The following PPP3R1 variants were observed in gnomAD, a reference collection of about 807,000 sequenced individuals.
PPP3R1 encodes the protein calcineurin subunit B type 1.
Under a neutral mutation model 22.6 loss-of-function variants are expected in PPP3R1, and 5 were observed. That is an observed-to-expected ratio of 0.22 (90% CI 0.12 to 0.46). PPP3R1 has a LOEUF of 0.46. Ranked by LOEUF, PPP3R1 falls within the 20% of genes least tolerant of loss-of-function variation. The pLI is 0.99. For synonymous variants in PPP3R1, 56 were observed against 65.2 expected (o/e 0.86, Z 0.68); for missense variants, 61 against 203.2 (o/e 0.30, Z 4.25).
chr2:68,225,542 G>T (rs1056914474), intron 1 of PPP3R1, among the ~76,000 whole-genome samples: 1 of 152,212 alleles, frequency 6.6e-6, no homozygotes, highest in Admixed American at 6.5e-5. Flanking sequence ...ATGGCATCTT[G>T]ATTTCAGCCT....
chr2:68,191,087 C>T (rs1329484370), intron 2 of PPP3R1, among the ~76,000 whole-genome samples: 1 of 152,122 alleles, frequency 6.6e-6, no homozygotes, highest in African/African-American at 2.4e-5. Flanking sequence ...ATCAGAAATG[C>T]TGTGATGAAA....
At chr2:68,189,291 T>G (rs925204684) in intron 2 of PPP3R1, among the ~76,000 whole-genome samples, 2 of 152,186 alleles carry the variant, frequency 1.3e-5, no homozygotes, top group African/African-American at 4.8e-5. Flanking sequence ...CTTTGCAAGT[T>G]TGAGCAAATA....
At chr2:68,181,221 C>T (rs1674393621) in intron 5 of PPP3R1, among the ~76,000 whole-genome samples, 1 of 152,016 alleles carries the variant, frequency 6.6e-6, no homozygotes, top group African/African-American at 2.4e-5. Context: ...GAAACCTTGT[C>T]TCTACTAAAA....
At chr2:68,182,341 T>C (rs1048503850) in intron 5 of PPP3R1, among the ~76,000 whole-genome samples, 9 of 152,020 alleles carry the variant, frequency 5.9e-5, no homozygotes, top group Admixed American at 5.2e-4. Flanking sequence ...CCTGCCCTCA[T>C]TCTCTATTTG....
At chr2:68,233,951 C>CA (rs1669966518) in intron 1 of PPP3R1, among the ~76,000 whole-genome samples, 1 of 151,966 alleles carries the variant, frequency 6.6e-6, no homozygotes, top group Non-Finnish European at 1.5e-5. Flanking sequence ...ACAAAAAAAA[C>CA]AGAGAAATAA....
rs1302179359 is a variant in PPP3R1 at position 68,180,029 on chromosome 2, T to C, written c.*934A>G. On this transcript the variant is annotated 3_prime_UTR_variant, in exon 6 of 6. Transcript: ENST00000234310. Reference sequence around the variant, plus strand: ...CAAATGGATATCCCTTATAAGTAGTTACATGATCACTTCAGGTATTCTTCA... The same window carrying C: ...CAAATGGATATCCCTTATAAGTAGTCACATGATCACTTCAGGTATTCTTCA... 6.6e-6 allele frequency: 1 copy of C among 152,226 alleles called. No individual in the cohort carries two copies. The highest frequency in any genetic ancestry group is 1.5e-5 in the Non-Finnish European group (1 of 68,036). 9.4% of individuals were successfully genotyped at this position (152,226 alleles called of 1,614,324 possible).
At chr2:68,246,097 CAG>C (rs1282332379) in intron 1 of PPP3R1, among the ~76,000 whole-genome samples, 2 of 97,036 alleles carry the variant, frequency 2.1e-5, no homozygotes, top group East Asian at 6.7e-4. Context: ...TTTTTTGAGA[CAG>C]AGTCTTGCTC....
At chr2:68,215,319 C>T (rs1256357998) in intron 2 of PPP3R1, among the ~76,000 whole-genome samples, 1 of 151,962 alleles carries the variant, frequency 6.6e-6, no homozygotes, top group African/African-American at 2.4e-5. Context: ...ACCTATATTC[C>T]AAAACCCCCC....
chr2:68,190,579 A>G (rs1217683813), intron 2 of PPP3R1, among the ~76,000 whole-genome samples: 3 of 152,060 alleles, frequency 2.0e-5, no homozygotes, highest in African/African-American at 4.8e-5. Context: ...AAAACAAACA[A>G]AAAAAACCCC....
chr2:68,184,210 GTCTT>G (rs1417669989), intron 5 of PPP3R1, among the ~76,000 whole-genome samples: 2 of 152,182 alleles, frequency 1.3e-5, no homozygotes, highest in Non-Finnish European at 2.9e-5. Context: ...ACTTTAACCA[GTCTT>G]TCTGTTTTTA....
chr2:68,238,852 C>T (rs1670066860), intron 1 of PPP3R1, among the ~76,000 whole-genome samples: 1 of 152,012 alleles, frequency 6.6e-6, no homozygotes, highest in African/African-American at 2.4e-5. Context: ...CTGAAAAAAA[C>T]CTCGTGTTCT....
At chr2:68,197,062 T>C (rs1339404451) in intron 2 of PPP3R1, among the ~76,000 whole-genome samples, 2 of 152,194 alleles carry the variant, frequency 1.3e-5, no homozygotes, top group African/African-American at 2.4e-5. Flanking sequence ...CTTTGAGGAA[T>C]AACTACCTTC....
intron 1 of PPP3R1, among the ~76,000 whole-genome samples, chr2:68,229,054 C>T (rs191766819): frequency 6.6e-6 from 1 of 152,242 alleles, no homozygotes; most frequent in Admixed American, 6.5e-5. Flanking sequence ...CAGGGTCTCA[C>T]TGTCACTCAG....
chr2:68,252,229 C>T lies in PPP3R1; in HGVS notation c.-102G>A, dbSNP rs1670381662. On this transcript the variant is annotated 5_prime_UTR_variant, in exon 1 of 6. Transcript: ENST00000234310. The stretch of plus-strand genomic sequence containing the variant: ...GCGGCGGCGGCCCAGCTGCGGCCCT[C>T]GGGTCGCCGGCGGGGAGGGGGCGCG... 9.0e-7 allele frequency: 1 copy of T among 1,106,916 alleles called. No homozygotes were observed. The highest frequency in any genetic ancestry group is 1.1e-6 in the Non-Finnish European group (1 of 899,902). The allele number at this position is 1,106,916 out of a possible 1,614,324, so 68.6% of individuals were successfully genotyped here. A position where few individuals can be genotyped will look rare whatever the true frequency, so the allele number is the denominator to read the frequency against.
intron 1 of PPP3R1, among the ~76,000 whole-genome samples, chr2:68,224,137 A>G (rs1347479010): frequency 6.6e-6 from 1 of 152,222 alleles, no homozygotes; most frequent in Non-Finnish European, 1.5e-5. Context: ...AGATCTAAGA[A>G]AACCCAGCTA....
At chr2:68,246,221 C>T (rs994341573) in intron 1 of PPP3R1, among the ~76,000 whole-genome samples, 8 of 151,478 alleles carry the variant, frequency 5.3e-5, no homozygotes, top group Non-Finnish European at 1.2e-4. Flanking sequence ...ATTACAGGCA[C>T]GCGTCACCAA....
intron 5 of PPP3R1, among the ~76,000 whole-genome samples, chr2:68,181,656 AT>A (rs1674406244): frequency 6.6e-6 from 1 of 151,400 alleles, no homozygotes; most frequent in Non-Finnish European, 1.5e-5. Context: ...AAAGACAGAC[AT>A]AAACAGGCTA....
At chr2:68,220,779 C>T (rs1669674193) in intron 1 of PPP3R1, among the ~76,000 whole-genome samples, 1 of 152,020 alleles carries the variant, frequency 6.6e-6, no homozygotes, top group Admixed American at 6.6e-5. Flanking sequence ...TTTTATGATT[C>T]CATTTATATG....
At chr2:68,252,047 T>G in intron 1 of PPP3R1, 78 bp downstream of exon 1, 1 of 1,293,606 alleles carries the variant, frequency 7.7e-7, no homozygotes, top group Non-Finnish European at 1.0e-6. Context: ...ACCGGGGGCG[T>G]CGGGGCTCGC....
Sources: gnomAD v4.1 joint callset for allele counts (sites outside exome capture counted in the v4.1 genomes callset) on GRCh38, gnomAD v4.1.1 for gene constraint, MANE v1.5 for transcripts, NCBI Gene and HGNC (gene_info 2026-07-23, HGNC 2026-07-21) for gene names.